Variants in CEP290 observed in about 807,000 individuals in gnomAD.
The protein encoded by CEP290 is centrosomal protein of 290 kDa.
Under a neutral mutation model 344.9 loss-of-function variants are expected in CEP290, and 317 were observed. The observed-to-expected ratio is 0.92, with a 90% CI of 0.84 to 1.01. The LOEUF (loss-of-function observed/expected upper bound fraction) is 1.01, where lower values mean the gene tolerates loss of function less well. Ranked by LOEUF, CEP290 falls within the 50% of genes least tolerant of loss-of-function variation. The pLI is 0.00. For missense variants in CEP290, 2,754 were observed against 2,761.4 expected, an observed-to-expected ratio of 1.00 and a Z score of 0.06; for synonymous variants, 932 against 895.8, an observed-to-expected ratio of 1.04 and a Z score of -0.72.
chr12:88,141,131 AAAT>A, intron 2 of CEP290, 72 bp downstream of exon 2: 1 of 1,306,474 alleles, frequency 7.7e-7, no homozygotes, highest in Non-Finnish European at 1.0e-6. Context: ...TCCCTGAAAA[AAAT>A]AAATTCATAT....
At chr12:88,108,371 T>C (rs2038440984) in intron 23 of CEP290, among the ~76,000 whole-genome samples, 1 of 152,206 alleles carries the variant, frequency 6.6e-6, no homozygotes, top group Admixed American at 6.5e-5. Flanking sequence ...TCTTCTTCAA[T>C]GGGCACATCA....
At chr12:88,125,417 T>A in intron 12 of CEP290, 48 bp from the exon 13 acceptor site, 1 of 1,000,744 alleles carries the variant, frequency 1.0e-6, no homozygotes, top group Non-Finnish European at 1.3e-6. Context: ...AATATTAACC[T>A]AAAAAGGTAA....
chr12:88,051,434 T>C (rs1220165345), intron 52 of CEP290, among the ~76,000 whole-genome samples: 2 of 152,004 alleles, frequency 1.3e-5, no homozygotes, highest in Admixed American at 6.6e-5. Context: ...CCTGACCTCA[T>C]GTGATCCACC....
In CEP290 at chr12:88,126,449, A is replaced by G; in HGVS notation, c.943-11T>C. ...AGAAGACAAAATTAGCTAGAAATAAACACAATAGAATCTGTTATGCAAAAG... is the reference window on the plus strand; with the variant it reads ...AGAAGACAAAATTAGCTAGAAATAAGCACAATAGAATCTGTTATGCAAAAG... On this transcript the variant is annotated splice_polypyrimidine_tract_variant and intron_variant, in intron 11 of 53. Transcript: ENST00000552810. 2.0e-6 allele frequency: 3 copies of G among 1,474,536 alleles called. No individual in the cohort carries two copies. The highest frequency in any genetic ancestry group is 2.7e-6 in the Non-Finnish European group (3 of 1,105,122). The allele number at this position is 1,474,536 out of a possible 1,614,324, so 91.3% of individuals were successfully genotyped here. A position where few individuals can be genotyped will look rare whatever the true frequency, so the allele number is the denominator to read the frequency against.
intron 5 of CEP290, 143 bp from the exon 6 acceptor site, chr12:88,136,929 CTT>C (rs112841615): frequency 1.5e-3 from 922 of 632,028 alleles, no homozygotes; most frequent in Non-Finnish European, 1.8e-3. Flanking sequence ...AGCTTAAGAA[CTT>C]TTTTTTTTTT....
intron 25 of CEP290, among the ~76,000 whole-genome samples, chr12:88,106,379 G>A (rs2038280481): frequency 6.6e-6 from 1 of 152,094 alleles, no homozygotes; most frequent in African/African-American, 2.4e-5. Flanking sequence ...TGTAAAAAAT[G>A]TGACTATAAT....
Position 88,120,114 on chromosome 12 carries a change from C to T in CEP290, c.1522G>A (p.Gly508Ser). ...CTATGTAACTTAAAACATGGCTTAC[C>T]CACACGCTCTCTAAGTGCCTCATTT... The part of the protein sequence containing the change: ...DENEALRERV[G>S]LEPKTMIDLT... Residue 508 changes from glycine (G) to serine (S), a missense_variant and splice_region_variant, in exon 15 of 54, where the codon GGC becomes AGC. Coordinates refer to ENST00000552810, the MANE Select transcript of CEP290 (RefSeq NM_025114.4). The T allele has an allele frequency of 6.6e-7, 1 of 1,513,744 alleles. No homozygotes were observed. Among genetic ancestry groups the T allele is most frequent in the African/African-American group, 1.4e-5 (1 of 71,674 alleles). The allele number at this position is 1,513,744 out of a possible 1,614,324, so 93.8% of individuals were successfully genotyped here.
At chr12:88,095,440 T>C (rs1018918237) in intron 27 of CEP290, among the ~76,000 whole-genome samples, 2 of 152,052 alleles carry the variant, frequency 1.3e-5, no homozygotes, top group African/African-American at 4.8e-5. Context: ...TATGTAAAAA[T>C]TAAAGAATTT....
chr12:88,089,055 T>C lies in CEP290; in HGVS notation c.4006A>G (p.Lys1336Glu), dbSNP rs2036809812. Residue 1336 changes from lysine to glutamate, a missense_variant, in exon 31 of 54, where the codon AAG becomes GAG. Coordinates refer to ENST00000552810, the MANE Select transcript of CEP290 (RefSeq NM_025114.4). ...ACCTTTTGGGCTCCTTTGGTATCCTTTAAAGTGCTTATTAACTCTTCCAGG... is the reference window on the plus strand; with the variant it reads ...ACCTTTTGGGCTCCTTTGGTATCCTCTAAAGTGCTTATTAACTCTTCCAGG... ...KGLEELISTL[K>E]DTKGAQKVIN... 6.6e-7 allele frequency: 1 copy of C among 1,521,234 alleles called. No homozygotes were observed. The highest frequency in any genetic ancestry group is 1.4e-5 in the South Asian group (1 of 72,898). The allele number at this position is 1,521,234 out of a possible 1,614,324, so 94.2% of individuals were successfully genotyped here. A position where few individuals can be genotyped will look rare whatever the true frequency, so the allele number is the denominator to read the frequency against.
At chr12:88,052,158 T>C (rs898806761) in intron 52 of CEP290, among the ~76,000 whole-genome samples, 1 of 152,196 alleles carries the variant, frequency 6.6e-6, no homozygotes, top group Non-Finnish European at 1.5e-5. Flanking sequence ...AAATTAGTAA[T>C]AGGACTACAT....
intron 43 of CEP290, among the ~76,000 whole-genome samples, chr12:88,070,857 G>A (rs372753106): frequency 6.6e-5 from 10 of 152,064 alleles, no homozygotes; most frequent in African/African-American, 2.2e-4. Context: ...TGTATGGATC[G>A]ATCCTAATCA....
chr12:88,100,329 T>C (rs2037781225), intron 26 of CEP290, among the ~76,000 whole-genome samples: 1 of 152,154 alleles, frequency 6.6e-6, no homozygotes, highest in African/African-American at 2.4e-5. Flanking sequence ...CTACATCTAT[T>C]TCTTTTTTCT....
In CEP290 at chr12:88,055,703, T is replaced by C; in HGVS notation, c.6833A>G (p.Lys2278Arg). Residue 2278 changes from lysine to arginine, a missense_variant, in exon 50 of 54, where the codon AAG (lysine) becomes AGG (arginine). Lys to Arg is a conservative substitution (Grantham distance 26). Coordinates refer to ENST00000552810, the MANE Select transcript of CEP290 (RefSeq NM_025114.4). ...AATATCAGTTTCCAATTCTTTTAAC[T>C]TGGTTTCATACATTCTAAAAGTATA... ...SIVVTRMYET[K>R]LKELETDIAK... 6.5e-7 allele frequency: 1 copy of C among 1,530,760 alleles called. No homozygotes were observed. Among genetic ancestry groups the C allele is most frequent in the Non-Finnish European group, 8.8e-7 (1 of 1,134,472 alleles). 94.8% of individuals were successfully genotyped at this position (1,530,760 alleles called of 1,614,324 possible).
At chr12:88,095,666 C>T (rs1261987069) in intron 27 of CEP290, among the ~76,000 whole-genome samples, 2 of 152,086 alleles carry the variant, frequency 1.3e-5, no homozygotes, top group East Asian at 1.9e-4. Flanking sequence ...CTTCTCTAAA[C>T]CAAGTATCTC....
Position 88,055,550 on chromosome 12 carries a change from A to T in CEP290, c.6960+26T>A, listed in dbSNP as rs1435080820. 4 of 1,538,692 alleles carry T rather than the reference A, an allele frequency of 2.6e-6. No individual in the cohort carries two copies. In the East Asian group the frequency reaches 9.2e-5, roughly 35 times the overall value. ...TTGCGATATTATGCATTATTTTATC[A>T]TGTAAAGAAAAATTACGTTACTTAC... On this transcript the variant is annotated intron_variant, in intron 50 of 53. Coordinates refer to ENST00000552810, the MANE Select transcript of CEP290 (RefSeq NM_025114.4).
intron 48 of CEP290, among the ~76,000 whole-genome samples, chr12:88,059,609 G>A (rs932878118): frequency 1.1e-4 from 17 of 152,110 alleles, no homozygotes; most frequent in South Asian, 2.1e-4. Context: ...GGGTTTCACC[G>A]TGTTAGCCAG....
Position 88,092,845 on chromosome 12 carries a change from A to T in CEP290, c.3310-13T>A. 16 of 1,608,426 alleles carry T rather than the reference A, an allele frequency of 9.9e-6. No homozygotes were observed. Among genetic ancestry groups the T allele is most frequent in the Non-Finnish European group, 1.4e-5 (16 of 1,178,346 alleles). On this transcript the variant is annotated splice_polypyrimidine_tract_variant and intron_variant, in intron 28 of 53. Transcript: ENST00000552810. ...TGATTTTGGTAAGCTAAGGAAATGT[A>T]ACAAAAAATGTTCAGATACATCAAT...
At chr12:88,066,993 T>C (rs1045258542) in intron 44 of CEP290, among the ~76,000 whole-genome samples, 1 of 152,118 alleles carries the variant, frequency 6.6e-6, no homozygotes, top group Non-Finnish European at 1.5e-5. Context: ...AATTATCTGT[T>C]ATAAAACATG....
chr12:88,063,959 T>C, intron 45 of CEP290, 22 bp downstream of exon 45: 1 of 1,571,678 alleles, frequency 6.4e-7, no homozygotes, highest in Non-Finnish European at 8.6e-7. Context: ...TTAGATTTCC[T>C]AATAAAAAAC....
Sources: allele counts gnomAD v4.1 joint callset (sites outside exome capture counted in the v4.1 genomes callset), GRCh38; gene constraint gnomAD v4.1.1; transcripts MANE v1.5; gene names NCBI Gene and HGNC (gene_info 2026-07-23, HGNC 2026-07-21).